PTPRT: variants seen among roughly 807,000 people sequenced by gnomAD.
PTPRT encodes receptor-type tyrosine-protein phosphatase T.
Under a neutral mutation model 176.8 loss-of-function variants are expected in PTPRT, and 56 were observed. The observed-to-expected ratio is 0.32, with a 90% confidence interval of 0.26 to 0.40. The LOEUF (loss-of-function observed/expected upper bound fraction) is 0.40. PTPRT is among the 10% of genes least tolerant of loss of function. The pLI is 1.00. For synonymous variants in PTPRT, 783 were observed against 739.0 expected (o/e 1.06, Z -0.96); for missense variants, 1,540 against 1,908.2 (o/e 0.81, Z 3.60).
intron 2 of PTPRT, among the ~76,000 whole-genome samples, chr20:42,879,640 A>C (rs1001659626): frequency 9.8e-5 from 15 of 152,312 alleles, no homozygotes; most frequent in Non-Finnish European, 1.8e-4. Context: ...AGAGCAAGGC[A>C]GGAACCCACA....
chr20:42,812,510 T>C (rs574903279), intron 2 of PTPRT, among the ~76,000 whole-genome samples: 1 of 152,144 alleles, frequency 6.6e-6, no homozygotes, highest in African/African-American at 2.4e-5. Context: ...TAACAATTTT[T>C]GGGAGGATAT....
chr20:42,786,142 TAA>T (rs1239067571), intron 3 of PTPRT, among the ~76,000 whole-genome samples: 3 of 152,214 alleles, frequency 2.0e-5, no homozygotes, highest in Non-Finnish European at 4.4e-5. Flanking sequence ...GCCATGATTG[TAA>T]GTTTCCTGAG....
rs368250593 is a variant in PTPRT, at chr20:42,709,318, G to A, written c.860-31159C>T. On this transcript the variant is annotated intron_variant, in intron 6 of 30. Coordinates refer to ENST00000373187, the MANE Select transcript of PTPRT (RefSeq NM_007050.6). Reference sequence around the variant, plus strand: ...TGTTGGAGGTGGGACCTGGTGGAAGGTGTTTCGGTCATAGGGGTGGATCCA... The same window carrying A: ...TGTTGGAGGTGGGACCTGGTGGAAGATGTTTCGGTCATAGGGGTGGATCCA... Among the ~76,000 whole-genome samples, 24 of 152,320 alleles carry A rather than the reference G, an allele frequency of 1.6e-4. No individual in the cohort carries two copies. The South Asian group carries it at 5.0e-3, about 32-fold the overall frequency.
At chr20:42,555,275 C>T (rs1281095338) in intron 7 of PTPRT, among the ~76,000 whole-genome samples, 1 of 152,158 alleles carries the variant, frequency 6.6e-6, no homozygotes, top group African/African-American at 2.4e-5. Flanking sequence ...AATTAATCAA[C>T]TCAAAGTATT....
At chr20:42,497,434 T>C (rs1365694379) in intron 7 of PTPRT, among the ~76,000 whole-genome samples, 2 of 151,972 alleles carry the variant, frequency 1.3e-5, no homozygotes, top group African/African-American at 4.8e-5. Flanking sequence ...AAGCTGCTTC[T>C]CCTGTTATCT....
intron 4 of PTPRT, among the ~76,000 whole-genome samples, chr20:42,777,069 G>A (rs924099650): frequency 2.0e-5 from 3 of 151,932 alleles, no homozygotes; most frequent in African/African-American, 4.8e-5. Flanking sequence ...ACCCTGGTGC[G>A]GGCCACCACC....
intron 7 of PTPRT, among the ~76,000 whole-genome samples, chr20:42,571,409 G>A (rs2073150307): frequency 6.6e-6 from 1 of 152,122 alleles, no homozygotes; most frequent in South Asian, 2.1e-4. Context: ...AAATGGATTC[G>A]CCTCTAGATA....
intron 9 of PTPRT, among the ~76,000 whole-genome samples, chr20:42,389,788 G>A (rs2058781954): frequency 6.6e-6 from 1 of 151,194 alleles, no homozygotes; most frequent in African/African-American, 2.4e-5. Flanking sequence ...CCAGGATGCT[G>A]AGGCTGAAGT....
chr20:42,365,788 T>A (rs1362459517), intron 9 of PTPRT, among the ~76,000 whole-genome samples: 1 of 152,210 alleles, frequency 6.6e-6, no homozygotes. Flanking sequence ...ACAAGCTTCG[T>A]CTAGAGCAAG....
At chr20:42,110,619 G>C in intron 22 of PTPRT, 132 bp from the exon 23 acceptor site, 1 of 917,704 alleles carries the variant, frequency 1.1e-6, no homozygotes, top group Middle Eastern at 3.6e-4. Context: ...TTGTTAATAG[G>C]TGTTACTGGA....
chr20:42,683,271 T>TGTTTTGTTTTGTTTTG (rs1555898539), intron 6 of PTPRT, among the ~76,000 whole-genome samples: 2 of 149,280 alleles, frequency 1.3e-5, no homozygotes, highest in African/African-American at 2.5e-5. Context: ...TTACTTGTTT[T>TGTTTTGTTTTGTTTTG]TTTTGTTTTG....
intron 13 of PTPRT, among the ~76,000 whole-genome samples, chr20:42,269,508 A>T (rs1301045923): frequency 6.6e-6 from 1 of 152,236 alleles, no homozygotes; most frequent in Non-Finnish European, 1.5e-5. Context: ...AGAGGTCTCT[A>T]GGTCAGCAGA....
chr20:42,113,575 C>T (rs998072618), intron 22 of PTPRT, among the ~76,000 whole-genome samples: 9 of 152,364 alleles, frequency 5.9e-5, no homozygotes, highest in South Asian at 2.1e-4. Flanking sequence ...CTGGCTTCCA[C>T]GCCTTAAGGG....
At chr20:42,998,270 G>A (rs932106393) in intron 1 of PTPRT, among the ~76,000 whole-genome samples, 5 of 152,142 alleles carry the variant, frequency 3.3e-5, no homozygotes, top group African/African-American at 7.2e-5. Context: ...CAGCACCTAC[G>A]TATTCAATTA....
At chr20:43,121,824 T>C (rs749798196) in intron 1 of PTPRT, among the ~76,000 whole-genome samples, 3 of 152,252 alleles carry the variant, frequency 2.0e-5, no homozygotes, top group East Asian at 1.9e-4. Context: ...AAATTCATAA[T>C]AATGCCATCC....
rs546410183 is a variant in PTPRT, at chr20:42,935,492, G to A, written c.89-49560C>T. ...GTCTAGGTCCAGTCTACACTTGAAG[G>A]GAAGGGATTACACAAAGGAACGAAT... On this transcript the variant is annotated intron_variant, in intron 1 of 30. Coordinates refer to ENST00000373187, the MANE Select transcript of PTPRT (RefSeq NM_007050.6). 7.9e-5 allele frequency among the ~76,000 whole-genome samples: 12 copies of A among 152,168 alleles called. No homozygotes were observed. The South Asian group carries it at 2.5e-3, about 32-fold the overall frequency.
At chr20:42,292,678 G>C (rs1267922175) in intron 12 of PTPRT, among the ~76,000 whole-genome samples, 1 of 152,136 alleles carries the variant, frequency 6.6e-6, no homozygotes, top group East Asian at 1.9e-4. Context: ...TGCTTTCTTG[G>C]GTTGCAGGCA....
chr20:43,066,942 C>T (rs2011117585), intron 1 of PTPRT, among the ~76,000 whole-genome samples: 1 of 152,202 alleles, frequency 6.6e-6, no homozygotes, highest in Admixed American at 6.5e-5. Context: ...GACCCTGTGG[C>T]CCACAAAGCC....
In PTPRT at chr20:42,511,837, C is replaced by T. The variant is rs540131150; in HGVS notation, c.1154-39275G>A. 3.7e-4 allele frequency among the ~76,000 whole-genome samples: 57 copies of T among 152,144 alleles called. No individual in the cohort carries two copies. In the South Asian group the frequency reaches 0.011, roughly 30 times the overall value. Reference sequence around the variant, plus strand: ...CGCCTCCTGCTTTCTAAATCTAGACCAAGTTCCTACCAATGACAGCAAAGC... The same window carrying T: ...CGCCTCCTGCTTTCTAAATCTAGACTAAGTTCCTACCAATGACAGCAAAGC... On this transcript the variant is annotated intron_variant, in intron 7 of 30. Coordinates refer to ENST00000373187, the MANE Select transcript of PTPRT (RefSeq NM_007050.6).
Sources: gnomAD v4.1 joint callset for allele counts (sites outside exome capture counted in the v4.1 genomes callset) on GRCh38, gnomAD v4.1.1 for gene constraint, MANE v1.5 for transcripts, NCBI Gene and HGNC (gene_info 2026-07-23, HGNC 2026-07-21) for gene names.